The following NKPD1 variants were observed in gnomAD, a reference collection of about 807,000 sequenced individuals.
The protein encoded by NKPD1 is NTPase KAP family P-loop domain-containing protein 1.
A neutral mutation model predicts 42.2 loss-of-function variants in NKPD1; 37 were observed. The ratio of observed to expected loss-of-function variants is 0.88; its 90% CI spans 0.67 to 1.15. The LOEUF (loss-of-function observed/expected upper bound fraction) is 1.15. Among genes scored for constraint, NKPD1 ranks in the 50% most tolerant of loss-of-function variants. The pLI, the probability that NKPD1 is intolerant of heterozygous loss-of-function variation, is 0.00. For synonymous variants in NKPD1, 552 were observed against 536.5 expected, an observed-to-expected ratio of 1.03 and a Z score of -0.40; for missense variants, 1,113 against 1,174.6, an observed-to-expected ratio of 0.95 and a Z score of 0.77.
chr19:45,158,969 G>T lies in NKPD1; in HGVS notation c.223C>A (p.Leu75Ile), dbSNP rs1568459077. ...TGCTGCTGCAGGACGGAGGGCAGGA[G>T]GCCCCGGCGCCAGCCACTGCCACCC... Reference protein sequence around the residue: ...QVGGSGWRRGLLPSVLQQQRQ... With the variant: ...QVGGSGWRRGILPSVLQQQRQ... The change falls in exon 3 of 5, where the codon CTC (leucine) becomes ATC (isoleucine). Residue 75 changes from leucine to isoleucine, a missense_variant. Physicochemically the swap from Leu to Ile is conservative, Grantham distance 5. Coordinates refer to ENST00000686631, the MANE Select transcript of NKPD1 (RefSeq NM_198478.4). This position sits in a 1 kb window ranked among gnomAD's most constrained non-coding sequence, Gnocchi z 4.6. The T allele has an allele frequency of 4.6e-6, 6 of 1,300,652 alleles. No homozygotes were observed. Among genetic ancestry groups the T allele is most frequent in the Non-Finnish European group, 6.1e-6 (6 of 988,166 alleles). 80.6% of individuals were successfully genotyped at this position (1,300,652 alleles called of 1,614,324 possible). A position where few individuals can be genotyped will look rare whatever the true frequency, so the allele number is the denominator to read the frequency against.
intron 1 of NKPD1, among the ~76,000 whole-genome samples, chr19:45,160,503 G>C (rs955230704): frequency 6.6e-6 from 1 of 152,082 alleles, no homozygotes; most frequent in Non-Finnish European, 1.5e-5. Context: ...AGCAGACATG[G>C]GCTGGGGAAA....
At chr19:45,159,891 G>A (rs1002361588) in intron 2 of NKPD1, among the ~76,000 whole-genome samples, 169 bp downstream of exon 2, 2 of 152,248 alleles carry the variant, frequency 1.3e-5, no homozygotes, top group Non-Finnish European at 2.9e-5. Context: ...CGCAGGCCCT[G>A]TGGTCCGGGT....
rs1394295485 is a variant in NKPD1, at chr19:45,160,145, G to A, written c.6C>T (p.His2=). The change falls in exon 2 of 5, where the codon CAC becomes CAT. Residue 2 remains histidine, a synonymous_variant. Coordinates refer to ENST00000686631, the MANE Select transcript of NKPD1 (RefSeq NM_198478.4). The stretch of plus-strand genomic sequence containing the variant: ...TGGCGAAGTGGACTTTGTAATGTTT[G>A]TGCATGGCAGCCGGGCAGCTGGGTG... The part of the protein sequence containing the change: M[H]KHYKVHFAKD... 1.5e-6 allele frequency: 2 copies of A among 1,304,558 alleles called. No homozygotes were observed. The highest frequency in any genetic ancestry group is 4.6e-5 in the Admixed American group (2 of 43,500). The allele number at this position is 1,304,558 out of a possible 1,614,324, so 80.8% of individuals were successfully genotyped here.
At chr19:45,159,865 C>G (rs572094937) in intron 2 of NKPD1, among the ~76,000 whole-genome samples, 195 bp downstream of exon 2, 29 of 152,362 alleles carry the variant, frequency 1.9e-4, no homozygotes, top group African/African-American at 7.0e-4. Context: ...CCAGCCCAGG[C>G]TCCTATCTTT....
At chr19:45,161,618 G>A (rs552675860), upstream of NKPD1, among the ~76,000 whole-genome samples, 1 of 152,308 alleles carries the variant, frequency 6.6e-6, no homozygotes, top group South Asian at 2.1e-4. Context: ...GGCAGGGCGG[G>A]GATTTGGAAG....
chr19:45,154,707 A>G (rs968426929), intron 4 of NKPD1, among the ~76,000 whole-genome samples: 1 of 152,164 alleles, frequency 6.6e-6, no homozygotes, highest in African/African-American at 2.4e-5. Flanking sequence ...TCTGAGCTCC[A>G]GCAGGGCTTG....
chr19:45,153,051 G>A lies in NKPD1; in HGVS notation c.1386C>T (p.Asp462=), dbSNP rs989772266. ...LRVVLEVTGL[D]TCYPERVVGV... ...CCACCACGCGCTCCGGGTAGCACGT[G>A]TCCAGCCCGGTGACCTCCAGCACCA... The change falls in exon 5 of 5, where the codon GAC becomes GAT. Residue 462 remains aspartate, a synonymous_variant. Transcript: ENST00000686631. 1.3e-6 allele frequency: 2 copies of A among 1,584,834 alleles called. No homozygotes were observed. Among genetic ancestry groups the A allele is most frequent in the Admixed American group, 1.8e-5 (1 of 55,998 alleles).
chr19:45,153,866 G>T, intron 4 of NKPD1, 91 bp from the exon 5 acceptor site: 1 of 1,273,628 alleles, frequency 7.9e-7, no homozygotes, highest in Non-Finnish European at 1.0e-6. Flanking sequence ...CTCCTGGAGA[G>T]GCGAGGGGCG....
chr19:45,152,255 C>T lies in NKPD1; in HGVS notation c.2182G>A (p.Asp728Asn). ...GCCTCGGCCACGGTGAAGGGGAAGT[C>T]GGCGCCCAGGAAGCGCTCGAAGAGC... ...PELFERFLGA[D>N]FPFTVAEAQS... Residue 728 changes from aspartate (D) to asparagine (N), a missense_variant, in exon 5 of 5, where the codon GAC (aspartate) becomes AAC (asparagine). Asp to Asn is a conservative substitution (Grantham distance 23). This residue lies in a region of NKPD1 where 867 missense variants were observed against 870.1 expected (regional missense o/e 1.00). Transcript: ENST00000686631. 3 of 1,608,598 alleles carry T rather than the reference C, an allele frequency of 1.9e-6. No individual in the cohort carries two copies. The highest frequency in any genetic ancestry group is 2.2e-5 in the East Asian group (1 of 44,644).
chr19:45,162,174 C>A (rs1453452461), upstream of NKPD1, among the ~76,000 whole-genome samples: 1 of 152,116 alleles, frequency 6.6e-6, no homozygotes, highest in Non-Finnish European at 1.5e-5. Flanking sequence ...GACGAGATTG[C>A]CCCGGGCTGG....
In NKPD1 at chr19:45,153,302, C is replaced by A. The variant is rs762908926; in HGVS notation, c.1135G>T (p.Val379Leu). Reference protein sequence around the residue: ...HGSPSGSLLKVFGGAATTLSG... With the variant: ...HGSPSGSLLKLFGGAATTLSG... ...AGTGTGGTGGCCGCGCCGCCAAACA[C>A]CTTGAGCAGGCTGCCGCTCGGGCTG... Residue 379 changes from valine to leucine, a missense_variant, in exon 5 of 5, where the codon GTG (valine) becomes TTG (leucine). This residue lies in a region of NKPD1 where 867 missense variants were observed against 870.1 expected (regional missense o/e 1.00). Transcript: ENST00000686631. 1 of 1,585,474 alleles carries A rather than the reference C, an allele frequency of 6.3e-7. No homozygotes were observed. The highest frequency in any genetic ancestry group is 2.3e-5 in the East Asian group (1 of 43,404).
upstream of NKPD1, among the ~76,000 whole-genome samples, chr19:45,162,177 C>G (rs1020842766): frequency 6.6e-6 from 1 of 152,272 alleles, no homozygotes; most frequent in East Asian, 1.9e-4. Flanking sequence ...GAGATTGCCC[C>G]GGGCTGGGAG....
At chr19:45,162,799 G>A (rs114776312), upstream of NKPD1, 111 of 180,702 alleles carry the variant, frequency 6.1e-4, no homozygotes, top group African/African-American at 2.4e-3. Flanking sequence ...AGGAGCACGG[G>A]GAGGGAGGGA....
At chr19:45,153,824 T>C (rs1968850955) in intron 4 of NKPD1, 49 bp from the exon 5 acceptor site, 2 of 1,406,336 alleles carry the variant, frequency 1.4e-6, no homozygotes, top group South Asian at 1.5e-5. Context: ...CCCGCCGGGG[T>C]GGGCGGGGCC....
rs1412651137 is a variant in NKPD1, at chr19:45,159,039, A to G, written c.153T>C (p.Pro51=). 4 of 1,300,228 alleles carry G rather than the reference A, an allele frequency of 3.1e-6. No individual in the cohort carries two copies. Among genetic ancestry groups the G allele is most frequent in the Non-Finnish European group, 4.0e-6 (4 of 987,856 alleles). The allele number at this position is 1,300,228 out of a possible 1,614,324, so 80.5% of individuals were successfully genotyped here. ...CCAGCTGCCAGTGTGATTGGGGGGAAGGCCGACAGGGCCCATGGGCTCGGA... is the reference window on the plus strand; with the variant it reads ...CCAGCTGCCAGTGTGATTGGGGGGAGGGCCGACAGGGCCCATGGGCTCGGA... ...AALRAHGPCR[P]SPQSHWQLAY... The change falls in exon 3 of 5, where the codon CCT becomes CCC. Residue 51 remains proline (P), a synonymous_variant. Transcript: ENST00000686631.
intron 3 of NKPD1, 138 bp from the exon 4 acceptor site, chr19:45,156,054 GGA>G: frequency 2.5e-6 from 2 of 788,736 alleles, no homozygotes; most frequent in South Asian, 3.5e-5. Context: ...ACCCTGCAGT[GGA>G]GGTTTCTGTG....
At position 45,151,874 on chromosome 19, in the gene NKPD1, C is replaced by A. The variant is rs960296085; in HGVS notation, c.*64G>T. The A allele has an allele frequency of 6.9e-7, 1 of 1,447,524 alleles. No individual in the cohort carries two copies. The highest frequency in any genetic ancestry group is 9.2e-7 in the Non-Finnish European group (1 of 1,091,152). 89.7% of individuals were successfully genotyped at this position (1,447,524 alleles called of 1,614,324 possible). A position where few individuals can be genotyped will look rare whatever the true frequency, so the allele number is the denominator to read the frequency against. On this transcript the variant is annotated 3_prime_UTR_variant, in exon 5 of 5. Transcript: ENST00000686631. Reference sequence around the variant, plus strand: ...CCTGGGTTGCGGCCCCAGTCCAGCCCCCTATTCTCCCATCTGGGCAGATGG... The same window carrying A: ...CCTGGGTTGCGGCCCCAGTCCAGCCACCTATTCTCCCATCTGGGCAGATGG...
Position 45,152,680 on chromosome 19 carries a change from T to C in NKPD1, c.1757A>G (p.Gln586Arg). ...CGCCGCCTCGTCGTCGATGCGGCCC[T>C]GCCCGCGCTCCGTCCCCGCCTGCGC... ...VQAQAGTERG[Q>R]GRIDDEAARR... Residue 586 changes from glutamine to arginine, a missense_variant, in exon 5 of 5, where the codon CAG becomes CGG. Physicochemically the swap from Gln to Arg is conservative, Grantham distance 43. This residue lies in a region of NKPD1 where 867 missense variants were observed against 870.1 expected (regional missense o/e 1.00). Coordinates refer to ENST00000686631, the MANE Select transcript of NKPD1 (RefSeq NM_198478.4). 6.5e-7 allele frequency: 1 copy of C among 1,543,616 alleles called. No homozygotes were observed. The highest frequency in any genetic ancestry group is 8.7e-7 in the Non-Finnish European group (1 of 1,150,422).
chr19:45,161,777 C>A (rs1969010186), upstream of NKPD1, among the ~76,000 whole-genome samples: 1 of 152,196 alleles, frequency 6.6e-6, no homozygotes, highest in South Asian at 2.1e-4. Context: ...CCCCTCGGCT[C>A]TCTGGGGCCC....
Sources: gnomAD v4.1 joint callset for allele counts (sites outside exome capture counted in the v4.1 genomes callset) on GRCh38, gnomAD v4.1.1 for gene constraint, gnomAD v4.1.1 regional missense constraint, Gnocchi (gnomAD v3.1) non-coding constraint, MANE v1.5 for transcripts, NCBI Gene and HGNC (gene_info 2026-07-23, HGNC 2026-07-21) for gene names.